ARHGAP31: variants seen among roughly 807,000 people sequenced by gnomAD.
ARHGAP31 encodes the protein rho GTPase-activating protein 31.
A neutral mutation model predicts 113.9 loss-of-function variants in ARHGAP31; 34 were observed. The ratio of observed to expected loss-of-function variants is 0.30; its 90% CI spans 0.23 to 0.40. The LOEUF (loss-of-function observed/expected upper bound fraction) is 0.40, where lower values mean the gene tolerates loss of function less well. ARHGAP31 is among the 10% of genes least tolerant of loss of function. The probability of loss-of-function intolerance (pLI) is 1.00; values close to 1 mark genes in which losing one functional copy is unlikely to be tolerated. For synonymous variants in ARHGAP31, 650 were observed against 684.8 expected (o/e 0.95, Z 0.79); for missense variants, 1,548 against 1,767.1 (o/e 0.88, Z 2.22).
At chr3:119,370,901 G>A (rs746821115) in intron 3 of ARHGAP31, among the ~76,000 whole-genome samples, 1 of 152,112 alleles carries the variant, frequency 6.6e-6, no homozygotes, top group South Asian at 2.1e-4. Flanking sequence ...GAAAGTTCTT[G>A]TTTAAAATTT....
intron 7 of ARHGAP31, among the ~76,000 whole-genome samples, chr3:119,391,314 T>G (rs760569308): frequency 2.0e-5 from 3 of 152,046 alleles, no homozygotes; most frequent in Non-Finnish European, 2.9e-5. Context: ...GGCTTGGTGT[T>G]TACAAAAGGA....
chr3:119,308,312 A>G (rs1245235442), intron 1 of ARHGAP31, among the ~76,000 whole-genome samples: 4 of 152,370 alleles, frequency 2.6e-5, no homozygotes, highest in African/African-American at 9.6e-5. Context: ...GACTTAAAAC[A>G]ATACAAATCT....
At chr3:119,356,639 A>G (rs938175801) in intron 1 of ARHGAP31, among the ~76,000 whole-genome samples, 1 of 152,012 alleles carries the variant, frequency 6.6e-6, no homozygotes, top group African/African-American at 2.4e-5. Context: ...TCAAAAAAAA[A>G]AAGAAAAAAA....
At chr3:119,296,886 G>A (rs747788805) in intron 1 of ARHGAP31, among the ~76,000 whole-genome samples, 5 of 152,154 alleles carry the variant, frequency 3.3e-5, no homozygotes, top group Non-Finnish European at 5.9e-5. Flanking sequence ...ATGAAGGATC[G>A]GAGGGCCCTC....
Position 119,413,997 on chromosome 3 carries a change from C to T in ARHGAP31, c.2068C>T (p.Leu690=). The T allele has an allele frequency of 6.2e-7, 1 of 1,614,214 alleles. No homozygotes were observed. Among genetic ancestry groups the T allele is most frequent in the Non-Finnish European group, 8.5e-7 (1 of 1,180,040 alleles). Residue 690 remains leucine, a synonymous_variant, in exon 12 of 12, where the codon CTG becomes TTG. Coordinates refer to ENST00000264245, the MANE Select transcript of ARHGAP31 (RefSeq NM_020754.4). The part of the protein sequence containing the change: ...SPIQPILESS[L]GPFIPSEPPG... ...AATTCAGCCTATTCTCGAGTCGAGT[C>T]TGGGGCCCTTTATTCCCTCAGAGCC...
At chr3:119,335,168 C>G (rs2079931893) in intron 1 of ARHGAP31, among the ~76,000 whole-genome samples, 1 of 152,126 alleles carries the variant, frequency 6.6e-6, no homozygotes. Context: ...GTGGCCTACT[C>G]CTCTATGTAA....
At chr3:119,379,130 G>A (rs188759333) in intron 3 of ARHGAP31, among the ~76,000 whole-genome samples, 3 of 152,362 alleles carry the variant, frequency 2.0e-5, no homozygotes, top group Admixed American at 2.0e-4. Context: ...CAAAGCCCTG[G>A]CCTGCTGTCT....
chr3:119,297,911 C>CAT (rs750651357), intron 1 of ARHGAP31, among the ~76,000 whole-genome samples: 1 of 113,112 alleles, frequency 8.8e-6, no homozygotes, highest in Non-Finnish European at 1.8e-5. Context: ...TCCTTAGAAA[C>CAT]ACACACACAC....
At chr3:119,406,923 T>C (rs1261548369) in intron 10 of ARHGAP31, among the ~76,000 whole-genome samples, 1 of 152,208 alleles carries the variant, frequency 6.6e-6, no homozygotes, top group Non-Finnish European at 1.5e-5. Context: ...ATACTCTTTA[T>C]TGACTTTTCC....
intron 8 of ARHGAP31, among the ~76,000 whole-genome samples, chr3:119,398,987 G>A (rs1473078384): frequency 6.6e-6 from 1 of 152,108 alleles, no homozygotes; most frequent in African/African-American, 2.4e-5. Context: ...ATAAAACTTT[G>A]ATCTATAACT....
chr3:119,415,366 C>G lies in ARHGAP31; in HGVS notation c.3437C>G (p.Thr1146Ser), dbSNP rs2080764851. 6.2e-7 allele frequency: 1 copy of G among 1,613,926 alleles called. No individual in the cohort carries two copies. Among genetic ancestry groups the G allele is most frequent in the South Asian group, 1.1e-5 (1 of 91,086 alleles). Residue 1146 changes from threonine to serine, a missense_variant, in exon 12 of 12, where the codon ACC (threonine) becomes AGC (serine). Coordinates refer to ENST00000264245, the MANE Select transcript of ARHGAP31 (RefSeq NM_020754.4). ...GGAGACCCAAAGGTCACATGGATGA[C>G]CTCATCTTACTGTAAAGCAGACCCC... The part of the protein sequence containing the change: ...EPGDPKVTWM[T>S]SSYCKADPWR...
rs559736102 is a variant in ARHGAP31, at chr3:119,418,927, C to T, written c.*2663C>T. The T allele has an allele frequency of 6.6e-6, 1 of 152,366 alleles. No individual in the cohort carries two copies. The highest frequency in any genetic ancestry group is 2.1e-4 in the South Asian group (1 of 4,826). The allele number at this position is 152,366 out of a possible 1,614,324, so 9.4% of individuals were successfully genotyped here. On this transcript the variant is annotated 3_prime_UTR_variant, in exon 12 of 12. Transcript: ENST00000264245. Reference sequence around the variant, plus strand: ...GCCTGCCAGCCATCACAAAGGCTTTCATAAACTTCCTGTGGTCTGGGCTAG... The same window carrying T: ...GCCTGCCAGCCATCACAAAGGCTTTTATAAACTTCCTGTGGTCTGGGCTAG...
chr3:119,417,484 A>G lies in ARHGAP31; in HGVS notation c.*1220A>G, dbSNP rs1437690235. ...TTTGAGGCCAGGTGCGGTGCCTCAC[A>G]TCTGTAATCCCAACACTTTGGGAGG... On this transcript the variant is annotated 3_prime_UTR_variant, in exon 12 of 12. Coordinates refer to ENST00000264245, the MANE Select transcript of ARHGAP31 (RefSeq NM_020754.4). 6.6e-6 allele frequency: 1 copy of G among 152,086 alleles called. No homozygotes were observed. Among genetic ancestry groups the G allele is most frequent in the African/African-American group, 2.4e-5 (1 of 41,350 alleles). 9.4% of individuals were successfully genotyped at this position (152,086 alleles called of 1,614,324 possible). A position where few individuals can be genotyped will look rare whatever the true frequency, so the allele number is the denominator to read the frequency against.
chr3:119,337,670 T>C (rs11715364), intron 1 of ARHGAP31, among the ~76,000 whole-genome samples: 145,623 of 152,224 alleles, frequency 0.96, 69,711 homozygotes, highest in East Asian at 1. Flanking sequence ...CCGTTTTTAC[T>C]GAGTGATGAT....
At chr3:119,318,604 A>G (rs1042735499) in intron 1 of ARHGAP31, among the ~76,000 whole-genome samples, 1 of 152,212 alleles carries the variant, frequency 6.6e-6, no homozygotes, top group Non-Finnish European at 1.5e-5. Context: ...AAGAAGGAAC[A>G]GTTCTCTCTT....
chr3:119,373,711 G>C (rs550114950), intron 3 of ARHGAP31, among the ~76,000 whole-genome samples: 1 of 152,020 alleles, frequency 6.6e-6, no homozygotes, highest in East Asian at 1.9e-4. Flanking sequence ...TGATCCACCT[G>C]CCTCGGCCTC....
At chr3:119,349,874 C>T (rs978610322) in intron 1 of ARHGAP31, among the ~76,000 whole-genome samples, 1 of 152,190 alleles carries the variant, frequency 6.6e-6, no homozygotes, top group African/African-American at 2.4e-5. Context: ...GCTTTCTGGG[C>T]AGGCTTCCCT....
At chr3:119,382,705 T>C (rs924743735) in intron 5 of ARHGAP31, among the ~76,000 whole-genome samples, 2 of 152,166 alleles carry the variant, frequency 1.3e-5, no homozygotes, top group African/African-American at 4.8e-5. Flanking sequence ...CACTGCCTTG[T>C]TTTGGTGGAG....
At chr3:119,322,093 C>A (rs1005501798) in intron 1 of ARHGAP31, among the ~76,000 whole-genome samples, 2 of 152,144 alleles carry the variant, frequency 1.3e-5, no homozygotes, top group Admixed American at 1.3e-4. Context: ...TGTAATATTT[C>A]TTTGGAATAA....
Sources: allele counts gnomAD v4.1 joint callset (sites outside exome capture counted in the v4.1 genomes callset), GRCh38; gene constraint gnomAD v4.1.1; transcripts MANE v1.5; gene names NCBI Gene and HGNC (gene_info 2026-07-23, HGNC 2026-07-21).